Variants in DLC1 observed in about 807,000 individuals in gnomAD.
DLC1 encodes the protein DLC1 Rho GTPase activating protein, also known as rho GTPase-activating protein 7.
A neutral mutation model predicts 140.3 loss-of-function variants in DLC1; 54 were observed. The observed-to-expected ratio is 0.38, with a 90% confidence interval of 0.31 to 0.48. DLC1 has a LOEUF of 0.48. Ranked by LOEUF, DLC1 falls within the 20% of genes least tolerant of loss-of-function variation. The pLI, the probability that DLC1 is intolerant of heterozygous loss-of-function variation, is 0.96. For synonymous variants in DLC1, 986 were observed against 728.1 expected (o/e 1.35, Z -5.70); for missense variants, 2,536 against 1,907.0 (o/e 1.33, Z -6.14).
chr8:13,448,712 C>T (rs761327298), intron 2 of DLC1, among the ~76,000 whole-genome samples: 7 of 152,144 alleles, frequency 4.6e-5, no homozygotes, highest in African/African-American at 9.7e-5. Context: ...AAAATTAATT[C>T]CATGTTTCTC....
chr8:13,583,593 G>T (rs1805194751), intron 1 of DLC1, among the ~76,000 whole-genome samples: 1 of 152,094 alleles, frequency 6.6e-6, no homozygotes, highest in Non-Finnish European at 1.5e-5. Flanking sequence ...TATAAGTTAG[G>T]CACAATAAAG....
intron 5 of DLC1, among the ~76,000 whole-genome samples, chr8:13,284,356 G>A (rs532480429): frequency 2.6e-5 from 4 of 152,084 alleles, no homozygotes; most frequent in East Asian, 1.9e-4. Flanking sequence ...GTGAAACCCC[G>A]TCTCTACTAA....
chr8:13,573,907 A>T (rs1804750019), intron 1 of DLC1, among the ~76,000 whole-genome samples: 1 of 152,142 alleles, frequency 6.6e-6, no homozygotes, highest in Non-Finnish European at 1.5e-5. Flanking sequence ...TTTCTCTCTT[A>T]CTTGTGAGCA....
intron 1 of DLC1, among the ~76,000 whole-genome samples, chr8:13,574,852 C>A (rs556329362): frequency 6.6e-6 from 1 of 152,224 alleles, no homozygotes; most frequent in Admixed American, 6.5e-5. Flanking sequence ...GCTTAGAATA[C>A]CTCCAATTTT....
At chr8:13,406,200 A>ATTTTTTTTTTTTT (rs1837555496) in intron 2 of DLC1, among the ~76,000 whole-genome samples, 1 of 25,416 alleles carries the variant, frequency 3.9e-5, no homozygotes, top group African/African-American at 2.1e-4. Flanking sequence ...TTTTTTTTTC[A>ATTTTTTTTTTTTT]GTGGAGACAG....
At chr8:13,465,510 T>C (rs1330457224) in intron 2 of DLC1, among the ~76,000 whole-genome samples, 1 of 152,174 alleles carries the variant, frequency 6.6e-6, no homozygotes, top group Admixed American at 6.5e-5. Flanking sequence ...ATATTCTTTT[T>C]ATTTATTTAT....
At chr8:13,209,949 C>T (rs1414948758) in intron 5 of DLC1, among the ~76,000 whole-genome samples, 1 of 152,100 alleles carries the variant, frequency 6.6e-6, no homozygotes, top group Non-Finnish European at 1.5e-5. Context: ...CTAACACACC[C>T]TGTAAATGTT....
intron 2 of DLC1, among the ~76,000 whole-genome samples, chr8:13,448,098 T>G (rs1798868320): frequency 6.6e-6 from 1 of 152,168 alleles, no homozygotes; most frequent in South Asian, 2.1e-4. Context: ...GTACTATAAC[T>G]CATCTTGGAA....
intron 1 of DLC1, among the ~76,000 whole-genome samples, chr8:13,504,368 G>A (rs867928493): frequency 1.3e-5 from 2 of 152,078 alleles, no homozygotes; most frequent in African/African-American, 2.4e-5. Flanking sequence ...CAGGTGATCC[G>A]CCTGCCTCGG....
chr8:13,481,634 C>G (rs11780801), intron 2 of DLC1, among the ~76,000 whole-genome samples: 4 of 152,052 alleles, frequency 2.6e-5, no homozygotes, highest in Non-Finnish European at 2.9e-5. Flanking sequence ...TTTACAGCCC[C>G]GTTGTACTGT....
In DLC1 at chr8:13,391,182, G is replaced by A. The variant is rs1247907518; in HGVS notation, c.1314+2371C>T. On this transcript the variant is annotated intron_variant, in intron 4 of 17. Coordinates refer to ENST00000276297, the MANE Select transcript of DLC1 (RefSeq NM_182643.3). ...AGCTGGACAGAGCTGCATGTGTATT[G>A]TCTAAGTCCACCTGTGCTGCTGGTC... 1.3e-5 allele frequency among the ~76,000 whole-genome samples: 2 copies of A among 151,722 alleles called. 1 individual carries two copies. The highest frequency in any genetic ancestry group is 3.9e-4 in the East Asian group (2 of 5,166).
At chr8:13,368,796 T>C (rs1341975862) in intron 4 of DLC1, among the ~76,000 whole-genome samples, 1 of 152,168 alleles carries the variant, frequency 6.6e-6, no homozygotes, top group Admixed American at 6.5e-5. Context: ...GTTAGTGATG[T>C]TCTTCCTGCT....
At position 13,311,004 on chromosome 8, in the gene DLC1, CT is replaced by C. The variant is rs562001212; in HGVS notation, c.1315-5703del. Among the ~76,000 whole-genome samples, 4 of 152,084 alleles carry C rather than the reference CT, an allele frequency of 2.6e-5. No individual in the cohort carries two copies. The South Asian group carries it at 8.3e-4, about 32-fold the overall frequency. On this transcript the variant is annotated intron_variant, in intron 4 of 17. Coordinates refer to ENST00000276297, the MANE Select transcript of DLC1 (RefSeq NM_182643.3). ...ATACATTTTCTGTTTTTTACTTGTT[CT>C]AAATAATAGACATGCATACATTTAT...
intron 5 of DLC1, among the ~76,000 whole-genome samples, chr8:13,280,681 T>C (rs1313777386): frequency 1.3e-5 from 2 of 152,212 alleles, no homozygotes; most frequent in Non-Finnish European, 2.9e-5. Context: ...CTGTGTAACA[T>C]AAATCCACTT....
At chr8:13,339,788 CA>C (rs1278978222) in intron 4 of DLC1, 1 of 152,132 alleles carries the variant, frequency 6.6e-6, no homozygotes, top group Non-Finnish European at 1.5e-5. Context: ...AAGCCTATAG[CA>C]ATTAGATAGT....
At chr8:13,277,481 G>C (rs1831218571) in intron 5 of DLC1, among the ~76,000 whole-genome samples, 1 of 152,114 alleles carries the variant, frequency 6.6e-6, no homozygotes, top group East Asian at 1.9e-4. Context: ...GAATCTTCTA[G>C]TTCCAAGTAA....
At chr8:13,491,908 A>C (rs1301607177) in intron 2 of DLC1, among the ~76,000 whole-genome samples, 2 of 152,208 alleles carry the variant, frequency 1.3e-5, no homozygotes, top group Non-Finnish European at 2.9e-5. Context: ...TCGTTCTAGC[A>C]TTTATGAACA....
At chr8:13,341,087 T>C (rs1054292792) in intron 4 of DLC1, 1 of 152,214 alleles carries the variant, frequency 6.6e-6, no homozygotes, top group African/African-American at 2.4e-5. Flanking sequence ...TTTAAAATAA[T>C]GTGCTGAGGA....
chr8:13,101,510 G>C (rs1391447576), intron 8 of DLC1, among the ~76,000 whole-genome samples: 2 of 152,190 alleles, frequency 1.3e-5, no homozygotes, highest in Non-Finnish European at 2.9e-5. Context: ...CAAACACTAA[G>C]AAGAGTGGCA....
Sources: gnomAD v4.1 joint callset for allele counts (sites outside exome capture counted in the v4.1 genomes callset) on GRCh38, gnomAD v4.1.1 for gene constraint, MANE v1.5 for transcripts, NCBI Gene and HGNC (gene_info 2026-07-23, HGNC 2026-07-21) for gene names.